Variants in NKAIN2 observed in about 807,000 individuals in gnomAD.
The protein encoded by NKAIN2 is sodium/potassium-transporting ATPase subunit beta-1-interacting protein 2.
NKAIN2 carries 14 observed loss-of-function variants against 32.6 expected under a neutral mutation model. The observed-to-expected ratio is 0.43, with a 90% CI of 0.28 to 0.67. The LOEUF (loss-of-function observed/expected upper bound fraction) is 0.67. NKAIN2 is among the 30% of genes least tolerant of loss of function. The probability of loss-of-function intolerance (pLI) is 0.17; values close to 1 mark genes in which losing one functional copy is unlikely to be tolerated. For synonymous variants in NKAIN2, 80 were observed against 87.2 expected, an observed-to-expected ratio of 0.92 and a Z score of 0.46; for missense variants, 198 against 258.3, an observed-to-expected ratio of 0.77 and a Z score of 1.60.
intron 1 of NKAIN2, among the ~76,000 whole-genome samples, chr6:123,930,094 A>G (rs1191893896): frequency 1.3e-5 from 2 of 152,144 alleles, no homozygotes; most frequent in East Asian, 3.8e-4. Flanking sequence ...AACAAAACCA[A>G]TGTACAACTC....
At chr6:124,762,537 T>C (rs1461216034) in intron 4 of NKAIN2, among the ~76,000 whole-genome samples, 1 of 152,200 alleles carries the variant, frequency 6.6e-6, no homozygotes, top group East Asian at 1.9e-4. Context: ...AAGTAAGTTA[T>C]GAAAAATGTG....
At position 124,773,047 on chromosome 6, in the gene NKAIN2, C is replaced by T. The variant is rs1031891857; in HGVS notation, c.475-18292C>T. On this transcript the variant is annotated intron_variant, in intron 4 of 6. Transcript: ENST00000368417. ...ACATAAGAGACTATTGTTACTAAGG[C>T]TGAGGGATGTGAGAACTGCAAGACC... Among the ~76,000 whole-genome samples, 4 of 152,108 alleles carry T rather than the reference C, an allele frequency of 2.6e-5. 1 individual carries two copies. The highest frequency in any genetic ancestry group is 4.1e-4 in the South Asian group (2 of 4,826).
At chr6:124,255,913 G>A (rs566247259) in intron 1 of NKAIN2, among the ~76,000 whole-genome samples, 9 of 152,230 alleles carry the variant, frequency 5.9e-5, no homozygotes, top group South Asian at 2.1e-4. Context: ...TTGGGGCATC[G>A]TTTCCTTTCT....
chr6:124,263,382 T>C (rs1256360761), intron 1 of NKAIN2, among the ~76,000 whole-genome samples: 1 of 152,170 alleles, frequency 6.6e-6, no homozygotes, highest in Non-Finnish European at 1.5e-5. Flanking sequence ...AGGGCATCCG[T>C]AGAAAACGAG....
intron 3 of NKAIN2, among the ~76,000 whole-genome samples, chr6:124,389,735 GT>G (rs1447192935): frequency 8.4e-4 from 127 of 151,694 alleles, no homozygotes; most frequent in African/African-American, 2.8e-3. Context: ...GTGTGTGTGT[GT>G]GTGTGTGTGT....
At chr6:124,382,790 T>G (rs574862946) in intron 3 of NKAIN2, among the ~76,000 whole-genome samples, 9 of 152,288 alleles carry the variant, frequency 5.9e-5, no homozygotes, top group African/African-American at 2.2e-4. Context: ...TCTTGCCAAG[T>G]TCAGTTTATT....
intron 1 of NKAIN2, among the ~76,000 whole-genome samples, chr6:124,215,451 T>C (rs1166184075): frequency 6.6e-6 from 1 of 152,144 alleles, no homozygotes; most frequent in Non-Finnish European, 1.5e-5. Context: ...TATTATAAGT[T>C]CTAAAATAAC....
At chr6:124,293,522 A>G (rs1340597135) in intron 2 of NKAIN2, among the ~76,000 whole-genome samples, 1 of 152,146 alleles carries the variant, frequency 6.6e-6, no homozygotes, top group African/African-American at 2.4e-5. Flanking sequence ...GAACTAATCT[A>G]TGAAACCATC....
At chr6:124,811,792 G>C (rs1038762173) in intron 5 of NKAIN2, among the ~76,000 whole-genome samples, 1 of 152,094 alleles carries the variant, frequency 6.6e-6, no homozygotes, top group African/African-American at 2.4e-5. Context: ...GGTTTCACAG[G>C]TATGCACATG....
intron 4 of NKAIN2, among the ~76,000 whole-genome samples, chr6:124,708,903 C>G (rs559714248): frequency 0.016 from 2,314 of 146,144 alleles, 84 homozygotes; most frequent in African/African-American, 0.057. Flanking sequence ...GAGAGGGCAT[C>G]CCTGTCTTGT....
chr6:123,949,168 G>A (rs1777212634), intron 1 of NKAIN2, among the ~76,000 whole-genome samples: 1 of 151,850 alleles, frequency 6.6e-6, no homozygotes, highest in South Asian at 2.1e-4. Context: ...CTATAGCTTT[G>A]CAATATATTT....
intron 1 of NKAIN2, among the ~76,000 whole-genome samples, chr6:123,976,360 T>TGTTCCC (rs1778609952): frequency 1.3e-4 from 4 of 29,820 alleles, no homozygotes; most frequent in African/African-American, 3.2e-4. Context: ...TATATATATA[T>TGTTCCC]ATATATATTC....
chr6:124,450,967 G>A (rs922333377), intron 3 of NKAIN2, among the ~76,000 whole-genome samples: 6 of 151,880 alleles, frequency 4.0e-5, no homozygotes, highest in African/African-American at 7.3e-5. Flanking sequence ...TAATGCATAA[G>A]GACTATTTAA....
intron 4 of NKAIN2, among the ~76,000 whole-genome samples, chr6:124,718,603 T>A (rs554870255): frequency 4.6e-5 from 7 of 152,280 alleles, no homozygotes; most frequent in African/African-American, 1.4e-4. Context: ...CCCATAGAAT[T>A]TCCTATGAAG....
At chr6:123,887,101 T>G (rs1773755040) in intron 1 of NKAIN2, among the ~76,000 whole-genome samples, 1 of 152,164 alleles carries the variant, frequency 6.6e-6, no homozygotes, top group Non-Finnish European at 1.5e-5. Flanking sequence ...TTGTAGTTAG[T>G]GGGTCATCTT....
intron 3 of NKAIN2, among the ~76,000 whole-genome samples, chr6:124,399,794 C>G (rs1450605464): frequency 1.3e-5 from 2 of 152,148 alleles, no homozygotes; most frequent in African/African-American, 2.4e-5. Context: ...TTGTTCCTGA[C>G]AAATGCTGGT....
At chr6:124,687,224 AAT>A (rs538712275) in intron 4 of NKAIN2, among the ~76,000 whole-genome samples, 1 of 146,016 alleles carries the variant, frequency 6.8e-6, no homozygotes, top group African/African-American at 2.5e-5. Flanking sequence ...ATATATGTGG[AAT>A]ATATATAGAG....
At chr6:124,619,624 A>G (rs1333765689) in intron 3 of NKAIN2, among the ~76,000 whole-genome samples, 1 of 152,060 alleles carries the variant, frequency 6.6e-6, no homozygotes, top group African/African-American at 2.4e-5. Context: ...AAAAGCCACT[A>G]CTCTGGTGAT....
chr6:124,062,785 A>G (rs564773532), intron 1 of NKAIN2, among the ~76,000 whole-genome samples: 2 of 152,182 alleles, frequency 1.3e-5, no homozygotes, highest in Non-Finnish European at 2.9e-5. Context: ...AATAATTTTT[A>G]TCATTGGCAG....
Sources: gnomAD v4.1 joint callset for allele counts (sites outside exome capture counted in the v4.1 genomes callset) on GRCh38, gnomAD v4.1.1 for gene constraint, MANE v1.5 for transcripts, NCBI Gene and HGNC (gene_info 2026-07-23, HGNC 2026-07-21) for gene names.